The following PCDHA12 variants were observed in gnomAD, a reference collection of about 807,000 sequenced individuals.
PCDHA12 encodes the protein protocadherin alpha 12.
In PCDHA12, 44 loss-of-function variants were observed where a neutral mutation model predicts 60.0. That is an observed-to-expected ratio of 0.73 (90% CI 0.58 to 0.94). The LOEUF (loss-of-function observed/expected upper bound fraction) is 0.94, where lower values mean the gene tolerates loss of function less well. Ranked by LOEUF, PCDHA12 falls within the 40% of genes least tolerant of loss-of-function variation. The probability of loss-of-function intolerance (pLI) is 0.00; values close to 1 mark genes in which losing one functional copy is unlikely to be tolerated. For missense variants in PCDHA12, 1,276 were observed against 1,239.7 expected (o/e 1.03, Z -0.44); for synonymous variants, 569 against 553.0 (o/e 1.03, Z -0.40).
At chr5:140,911,396 G>C (rs1348303429) in intron 1 of PCDHA12, among the ~76,000 whole-genome samples, 1 of 152,104 alleles carries the variant, frequency 6.6e-6, no homozygotes, top group Non-Finnish European at 1.5e-5. Context: ...TTTCATTGCA[G>C]GTCAGCCACT....
intron 1 of PCDHA12, among the ~76,000 whole-genome samples, chr5:140,921,566 T>C (rs775027482): frequency 4.6e-5 from 7 of 152,304 alleles, no homozygotes; most frequent in Middle Eastern, 3.4e-3. Flanking sequence ...TATTATGTTA[T>C]AGTAGAGCTC....
chr5:140,882,182 G>GACT (rs1284192603), intron 1 of PCDHA12: 2 of 1,518,394 alleles, frequency 1.3e-6, no homozygotes, highest in African/African-American at 2.8e-5. Flanking sequence ...TCCGCACTAG[G>GACT]AAGCCATAAA....
chr5:140,910,053 G>C (rs2074856503), intron 1 of PCDHA12, among the ~76,000 whole-genome samples: 1 of 152,170 alleles, frequency 6.6e-6, no homozygotes, highest in Non-Finnish European at 1.5e-5. Context: ...CATAATAAGT[G>C]ATCTTTTAAC....
At chr5:140,923,264 C>T (rs2081280629) in intron 1 of PCDHA12, among the ~76,000 whole-genome samples, 1 of 152,170 alleles carries the variant, frequency 6.6e-6, no homozygotes, top group Admixed American at 6.5e-5. Flanking sequence ...CATAGTGAGA[C>T]CTTGTCTCTA....
Position 140,979,705 on chromosome 5 carries a change from G to A in PCDHA12, c.2426+698G>A, listed in dbSNP as rs138804576. Among the ~76,000 whole-genome samples, 597 of 152,336 alleles carry A rather than the reference G, an allele frequency of 3.9e-3. 4 individuals carry two copies. The highest frequency in any genetic ancestry group is 0.014 in the African/African-American group (562 of 41,570). On this transcript the variant is annotated intron_variant, in intron 2 of 3. Coordinates refer to ENST00000398631, the MANE Select transcript of PCDHA12 (RefSeq NM_018903.4). ...ATTAACTACCATTATTTCTGGAGGT[G>A]ATCCAGTATCCATGCCATGGGGCCA... is the stretch of plus-strand genomic sequence containing the variant.
intron 1 of PCDHA12, chr5:140,966,708 C>T (rs1033433543): frequency 1.7e-5 from 23 of 1,384,632 alleles, no homozygotes; most frequent in African/African-American, 6.1e-5. Context: ...GCGTGGGGCA[C>T]GGCTGGGGAA....
intron 1 of PCDHA12, chr5:140,966,615 G>C (rs1423136904): frequency 3.9e-6 from 3 of 773,600 alleles, no homozygotes; most frequent in Non-Finnish European, 5.6e-6. Flanking sequence ...GAGGGCCTAC[G>C]GAGGGAGCGG....
intron 1 of PCDHA12, among the ~76,000 whole-genome samples, chr5:140,907,765 T>C (rs901037519): frequency 8.5e-5 from 13 of 152,144 alleles, no homozygotes; most frequent in African/African-American, 3.1e-4. Flanking sequence ...GCCCATTGGG[T>C]GATGACAGGG....
chr5:140,900,312 T>C (rs902600593), intron 1 of PCDHA12, among the ~76,000 whole-genome samples: 1 of 151,284 alleles, frequency 6.6e-6, no homozygotes, highest in African/African-American at 2.4e-5. Flanking sequence ...AGTCTCACTT[T>C]TGTCGCCCAG....
At chr5:140,921,091 C>G (rs893367475) in intron 1 of PCDHA12, among the ~76,000 whole-genome samples, 1 of 152,022 alleles carries the variant, frequency 6.6e-6, no homozygotes, top group Admixed American at 6.5e-5. Flanking sequence ...GAGAATCCTC[C>G]TGCCTCAGTC....
Position 140,875,696 on chromosome 5 carries a change from T to C in PCDHA12, c.224T>C (p.Leu75Pro), listed in dbSNP as rs2055720575. 1 of 1,613,958 alleles carries C rather than the reference T, an allele frequency of 6.2e-7. No individual in the cohort carries two copies. The highest frequency in any genetic ancestry group is 8.5e-7 in the Non-Finnish European group (1 of 1,180,032). Residue 75 changes from leucine to proline, a missense_variant, in exon 1 of 4, where the codon CTG becomes CCG. Leu to Pro is a moderately conservative substitution (Grantham distance 98). Coordinates refer to ENST00000398631, the MANE Select transcript of PCDHA12 (RefSeq NM_018903.4). ...GCGTCCAAAAGACACGGGGACCTTC[T>C]GGAGGTAAATCTGCAGAATGGCATT... Reference protein sequence around the residue: ...RVASKRHGDLLEVNLQNGILF... With the variant: ...RVASKRHGDLPEVNLQNGILF...
intron 1 of PCDHA12, among the ~76,000 whole-genome samples, chr5:140,914,069 A>G (rs1042316751): frequency 2.8e-4 from 43 of 152,216 alleles, no homozygotes; most frequent in Non-Finnish European, 5.6e-4. Context: ...GAAATGCTCC[A>G]TAACTATCTA....
intron 1 of PCDHA12, among the ~76,000 whole-genome samples, chr5:140,944,993 G>A (rs529303280): frequency 6.6e-5 from 10 of 152,054 alleles, no homozygotes; most frequent in African/African-American, 2.2e-4. Context: ...CTTCTGTAAC[G>A]GTTGTGGGTC....
At position 141,010,692 on chromosome 5, in the gene PCDHA12, G is replaced by A. The variant is rs1415098319; in HGVS notation, c.*755G>A. The A allele has an allele frequency of 1.9e-5, 3 of 159,998 alleles. No homozygotes were observed. The highest frequency in any genetic ancestry group is 7.2e-5 in the African/African-American group (3 of 41,584). 9.9% of individuals were successfully genotyped at this position (159,998 alleles called of 1,614,324 possible). On this transcript the variant is annotated 3_prime_UTR_variant, in exon 4 of 4. Coordinates refer to ENST00000398631, the MANE Select transcript of PCDHA12 (RefSeq NM_018903.4). ...TGGGAAACAGAAGCAGATCTGATGT[G>A]TTTCCTATACATGTCCTGTGCTCAC...
chr5:140,905,843 T>C (rs1554192236), intron 1 of PCDHA12, among the ~76,000 whole-genome samples: 1 of 152,126 alleles, frequency 6.6e-6, no homozygotes, highest in South Asian at 2.1e-4. Flanking sequence ...GGGAGTTTAT[T>C]AAGGAGTATT....
In PCDHA12 at chr5:140,875,865, G is replaced by C. The variant is rs782211791; in HGVS notation, c.393G>C (p.Pro131=). 3.7e-6 allele frequency: 6 copies of C among 1,614,160 alleles called. No homozygotes were observed. Among genetic ancestry groups the C allele is most frequent in the Non-Finnish European group, 5.1e-6 (6 of 1,180,038 alleles). Residue 131 remains proline, a synonymous_variant, in exon 1 of 4, where the codon CCG becomes CCC. Coordinates refer to ENST00000398631, the MANE Select transcript of PCDHA12 (RefSeq NM_018903.4). ...TGAAGGACATTAACGACAACCCGCC[G>C]GTGTTCAGAGAAAGGGAACAAAAGG... ...VEVKDINDNP[P]VFREREQKVP...
intron 3 of PCDHA12, among the ~76,000 whole-genome samples, chr5:140,986,896 A>G (rs1221599593): frequency 2.6e-5 from 4 of 152,184 alleles, no homozygotes; most frequent in African/African-American, 4.8e-5. Context: ...CTTAGGCCCT[A>G]TCCTAGACTA....
chr5:140,878,040 C>T, intron 1 of PCDHA12: 1 of 533,272 alleles, frequency 1.9e-6, no homozygotes, highest in Non-Finnish European at 3.0e-6. Flanking sequence ...ACAATGGAGG[C>T]CATGGAGCAC....
rs781893809 is a variant in PCDHA12 at position 140,883,492 on chromosome 5, G to T, written c.2367+5653G>T. On this transcript the variant is annotated intron_variant, in intron 1 of 3. Transcript: ENST00000398631. ...CCTACAAGAACTACTACTCATTAGT[G>T]CTGGACAGCGCCCTGGACCGCGAGA... The T allele has an allele frequency of 4.3e-5, 69 of 1,614,058 alleles. 1 individual carries two copies. In the South Asian group the frequency reaches 7.5e-4, roughly 17 times the overall value.
Sources: allele counts gnomAD v4.1 joint callset (sites outside exome capture counted in the v4.1 genomes callset), GRCh38; gene constraint gnomAD v4.1.1; transcripts MANE v1.5; gene names NCBI Gene and HGNC (gene_info 2026-07-23, HGNC 2026-07-21).